WDR44: variants seen among roughly 807,000 people sequenced by gnomAD.
WDR44 encodes the protein WD repeat domain 44.
Under a neutral mutation model 65.7 loss-of-function variants are expected in WDR44, and 9 were observed. That is an observed-to-expected ratio of 0.14 (90% CI 0.08 to 0.24). The LOEUF (loss-of-function observed/expected upper bound fraction) is 0.24, where lower values mean the gene tolerates loss of function less well. Among genes scored for constraint, WDR44 ranks in the 10% least tolerant of loss-of-function variants. The probability of loss-of-function intolerance (pLI) is 1.00; values close to 1 mark genes in which losing one functional copy is unlikely to be tolerated. For missense variants in WDR44, 425 were observed against 670.9 expected (o/e 0.63, Z 4.05); for synonymous variants, 220 against 235.2 (o/e 0.94, Z 0.59).
At chrX:118,396,253 C>T (rs2056865069) in intron 6 of WDR44, among the ~76,000 whole-genome samples, 1 of 111,172 alleles carries the variant, frequency 9.0e-6, no homozygotes, top group African/African-American at 3.3e-5. Context: ...TTGGCAATTC[C>T]TCAAAATGTG....
intron 14 of WDR44, among the ~76,000 whole-genome samples, chrX:118,438,797 G>GTTTTTTTGTT (rs1431508948): frequency 0.018 from 1,172 of 63,985 alleles, 112 homozygotes; most frequent in African/African-American, 0.064. Flanking sequence ...GTTCAGCCAT[G>GTTTTTTTGTT]TTTTTTTTTT....
chrX:118,353,982 G>C (rs1223690706), intron 1 of WDR44, among the ~76,000 whole-genome samples: 2 of 111,491 alleles, frequency 1.8e-5, no homozygotes, highest in Non-Finnish European at 3.8e-5. Flanking sequence ...GAATAAACAG[G>C]AAGAGAACAG....
chrX:118,393,592 C>CA (rs34351231), intron 4 of WDR44, among the ~76,000 whole-genome samples: 6,686 of 83,056 alleles, frequency 0.08, 447 homozygotes, highest in East Asian at 0.26. Flanking sequence ...AATCTTGTCT[C>CA]AAAAAAAAAA....
intron 1 of WDR44, among the ~76,000 whole-genome samples, chrX:118,371,149 G>A (rs1471650329): frequency 8.9e-6 from 1 of 111,749 alleles, no homozygotes; most frequent in Non-Finnish European, 1.9e-5. Context: ...GTCATATGTG[G>A]CAATATGGAT....
chrX:118,409,661 C>T (rs747406322), intron 11 of WDR44, 34 bp downstream of exon 11: 1 of 1,144,945 alleles, frequency 8.7e-7, no homozygotes, highest in Admixed American at 2.8e-5. Context: ...CTACAGAAAC[C>T]TGAAGTTTTT....
At chrX:118,400,023 GGCT>G (rs1331687386) in intron 8 of WDR44, among the ~76,000 whole-genome samples, 4 of 110,713 alleles carry the variant, frequency 3.6e-5, no homozygotes, top group African/African-American at 1.3e-4. Context: ...GAGGGATCGA[GGCT>G]GCAGTGAGCC....
chrX:118,355,083 G>A (rs754493728), intron 1 of WDR44, among the ~76,000 whole-genome samples: 1 of 111,659 alleles, frequency 9.0e-6, no homozygotes, highest in Non-Finnish European at 1.9e-5. Flanking sequence ...CATCTTTCTG[G>A]TTATTAGCAG....
In WDR44 at chrX:118,449,030, A is replaced by G. The variant is rs758146109; in HGVS notation, c.*43A>G. On this transcript the variant is annotated 3_prime_UTR_variant, in exon 20 of 20. Coordinates refer to ENST00000254029, the MANE Select transcript of WDR44 (RefSeq NM_019045.5). ...AATAAACATATCAGTAAGTTTCTAT[A>G]TGTATCAAAACTGAAAAAATAGTGT... 1.1e-6 allele frequency: 1 copy of G among 915,722 alleles called. No individual in the cohort carries two copies. Among genetic ancestry groups the G allele is most frequent in the South Asian group, 2.5e-5 (1 of 40,441 alleles). 75.5% of individuals were successfully genotyped at this position (915,722 alleles called of 1,213,427 possible).
At position 118,392,788 on chromosome X, in the gene WDR44, C is replaced by G. The variant is rs1227265568; in HGVS notation, c.343C>G (p.Gln115Glu). The part of the protein sequence containing the change: ...SNIPGLLAID[Q>E]VLPEESQKAE... ...TATACCCGGACTGTTAGCCATAGAT[C>G]AAGTACTACCGGAAGAATCCCAAAA... The change falls in exon 4 of 20, where the codon CAA becomes GAA. Residue 115 changes from glutamine to glutamate, a missense_variant. This residue lies in a region of WDR44 where 193 missense variants were observed against 209.0 expected (regional missense o/e 0.92). Transcript: ENST00000254029. The G allele has an allele frequency of 8.3e-7, 1 of 1,209,835 alleles. No homozygotes were observed. The highest frequency in any genetic ancestry group is 1.8e-5 in the African/African-American group (1 of 57,096).
At position 118,409,524 on chromosome X, in the gene WDR44, C is replaced by A; in HGVS notation, c.1569C>A (p.Gly523=). Residue 523 remains glycine, a synonymous_variant, in exon 11 of 20, where the codon GGC becomes GGA. Coordinates refer to ENST00000254029, the MANE Select transcript of WDR44 (RefSeq NM_019045.5). ...AVWTMKFSHC[G]RLLASAGQDN... is the part of the protein sequence containing the mutation. The stretch of plus-strand genomic sequence containing the variant: ...GGACCATGAAATTTTCTCACTGTGG[C>A]CGATTACTTGCCTCAGCTGGACAAG... 15 of 1,209,757 alleles carry A rather than the reference C, an allele frequency of 1.2e-5. No individual in the cohort carries two copies. Among genetic ancestry groups the A allele is most frequent in the Non-Finnish European group, 1.7e-5 (15 of 894,703 alleles).
At chrX:118,435,625 T>G (rs2057248704) in intron 13 of WDR44, among the ~76,000 whole-genome samples, 1 of 112,681 alleles carries the variant, frequency 8.9e-6, no homozygotes, top group African/African-American at 3.2e-5. Context: ...TGGTGTGCCA[T>G]AGGTTAAGTT....
At chrX:118,348,911 C>T (rs1229979203) in intron 1 of WDR44, among the ~76,000 whole-genome samples, 1 of 112,309 alleles carries the variant, frequency 8.9e-6, no homozygotes, top group African/African-American at 3.2e-5. Flanking sequence ...AGTACACAGA[C>T]TATGTCAACA....
chrX:118,434,028 C>T (rs776589730), intron 13 of WDR44, among the ~76,000 whole-genome samples: 5 of 112,209 alleles, frequency 4.5e-5, no homozygotes, highest in Non-Finnish European at 9.4e-5. Context: ...AACCCTATGA[C>T]TTCGGAGCAT....
At chrX:118,415,303 C>G (rs1424394215) in intron 12 of WDR44, among the ~76,000 whole-genome samples, 6 of 111,716 alleles carry the variant, frequency 5.4e-5, no homozygotes, top group Admixed American at 2.9e-4. Context: ...AGGATTTTAG[C>G]ATCTATGTTC....
At chrX:118,356,552 G>A (rs1038984774) in intron 1 of WDR44, among the ~76,000 whole-genome samples, 1 of 109,823 alleles carries the variant, frequency 9.1e-6, no homozygotes, top group Non-Finnish European at 1.9e-5. Flanking sequence ...CTTCAAATGT[G>A]TTTTGTAGCA....
At chrX:118,420,814 GC>G (rs2057098820) in intron 12 of WDR44, among the ~76,000 whole-genome samples, 1 of 112,469 alleles carries the variant, frequency 8.9e-6, no homozygotes, top group Non-Finnish European at 1.9e-5. Context: ...CCTGAATCCA[GC>G]AGATAAAATT....
intron 1 of WDR44, among the ~76,000 whole-genome samples, chrX:118,368,942 G>A (rs1323016433): frequency 9.3e-6 from 1 of 107,270 alleles, no homozygotes; most frequent in East Asian, 2.9e-4. Context: ...TGGCCAGGCT[G>A]GTCTCAAACT....
intron 1 of WDR44, among the ~76,000 whole-genome samples, chrX:118,375,041 A>G (rs2056645459): frequency 8.9e-6 from 1 of 112,007 alleles, no homozygotes; most frequent in African/African-American, 3.2e-5. Flanking sequence ...AAGCCCCACC[A>G]GAACCAATCT....
At chrX:118,401,497 G>C in intron 8 of WDR44, among the ~76,000 whole-genome samples, 1 of 84,225 alleles carries the variant, frequency 1.2e-5, no homozygotes, top group Non-Finnish European at 2.2e-5. Flanking sequence ...CATGTCCTTC[G>C]CCCACTTTTT....
Sources: gnomAD v4.1 joint callset for allele counts (sites outside exome capture counted in the v4.1 genomes callset) on GRCh38, gnomAD v4.1.1 for gene constraint, gnomAD v4.1.1 regional missense constraint, MANE v1.5 for transcripts, NCBI Gene and HGNC (gene_info 2026-07-23, HGNC 2026-07-21) for gene names.